RYK: variants seen among roughly 807,000 people sequenced by gnomAD.
The protein encoded by RYK is receptor like tyrosine kinase.
RYK carries 21 observed loss-of-function variants against 70.2 expected under a neutral mutation model. The ratio of observed to expected loss-of-function variants is 0.30; its 90% CI spans 0.21 to 0.43. The LOEUF is 0.43. Ranked by LOEUF, RYK falls within the 20% of genes least tolerant of loss-of-function variation. The probability of loss-of-function intolerance (pLI) is 1.00; values close to 1 mark genes in which losing one functional copy is unlikely to be tolerated. For synonymous variants in RYK, 267 were observed against 278.0 expected (o/e 0.96, Z 0.39); for missense variants, 604 against 753.3 (o/e 0.80, Z 2.32).
At chr3:134,221,196 CTTTTTTTTTT>C (rs71139519) in intron 2 of RYK, among the ~76,000 whole-genome samples, 2 of 78,562 alleles carry the variant, frequency 2.5e-5, no homozygotes, top group Non-Finnish European at 4.6e-5. Flanking sequence ...AGTTCTTTTT[CTTTTTTTTTT>C]TTTTTTTTTT....
intron 1 of RYK, among the ~76,000 whole-genome samples, chr3:134,249,575 A>G (rs2015552062): frequency 6.6e-6 from 1 of 152,196 alleles, no homozygotes; most frequent in Non-Finnish European, 1.5e-5. Flanking sequence ...CAGAATCCAC[A>G]AAGTCCTAAC....
At position 134,222,295 on chromosome 3, in the gene RYK, T is replaced by C. The variant is rs529686345; in HGVS notation, c.354+123A>G. On this transcript the variant is annotated intron_variant, in intron 2 of 14. Coordinates refer to ENST00000623711, the MANE Select transcript of RYK (RefSeq NM_002958.4). Reference sequence around the variant, plus strand: ...GAAATATAAATCTGAAAAGACTCAGTACTATTATATCACATCACCAGCGGA... The same window carrying C: ...GAAATATAAATCTGAAAAGACTCAGCACTATTATATCACATCACCAGCGGA... The C allele has an allele frequency of 2.7e-4, 263 of 978,574 alleles. 6 individuals are homozygous for C. The South Asian group carries it at 3.7e-3, about 14-fold the overall frequency. The allele number at this position is 978,574 out of a possible 1,614,324, so 60.6% of individuals were successfully genotyped here. A position where few individuals can be genotyped will look rare whatever the true frequency, so the allele number is the denominator to read the frequency against.
intron 5 of RYK, among the ~76,000 whole-genome samples, chr3:134,207,235 T>C (rs1030076320): frequency 2.6e-5 from 4 of 152,212 alleles, no homozygotes; most frequent in Non-Finnish European, 5.9e-5. Flanking sequence ...TATTCTTGCT[T>C]GTAAAACTTT....
intron 12 of RYK, 76 bp downstream of exon 12, chr3:134,175,854 C>G: frequency 6.5e-7 from 1 of 1,550,018 alleles, no homozygotes; most frequent in Middle Eastern, 1.7e-4. Flanking sequence ...ACACAAGTCC[C>G]ACTGTGACTC....
Position 134,207,541 on chromosome 3 carries a change from A to G in RYK, c.590-16T>C. ...TCTTCAAGTTCTGAATTTAAAGGAGAAAAATGATGCTTTAGAAATTCTCTT... is the reference window on the plus strand; with the variant it reads ...TCTTCAAGTTCTGAATTTAAAGGAGGAAAATGATGCTTTAGAAATTCTCTT... On this transcript the variant is annotated splice_polypyrimidine_tract_variant and intron_variant, in intron 4 of 14. Transcript: ENST00000623711. The G allele has an allele frequency of 6.7e-7, 1 of 1,500,892 alleles. No homozygotes were observed. Among genetic ancestry groups the G allele is most frequent in the Non-Finnish European group, 9.0e-7 (1 of 1,110,146 alleles). 93.0% of individuals were successfully genotyped at this position (1,500,892 alleles called of 1,614,324 possible). A position where few individuals can be genotyped will look rare whatever the true frequency, so the allele number is the denominator to read the frequency against.
At chr3:134,189,637 G>A (rs1576511970) in intron 8 of RYK, among the ~76,000 whole-genome samples, 1 of 151,472 alleles carries the variant, frequency 6.6e-6, no homozygotes, top group East Asian at 1.9e-4. Context: ...GCCGGGCGTG[G>A]GAGGCTGAGG....
chr3:134,185,716 TA>T (rs2013439654), intron 9 of RYK, among the ~76,000 whole-genome samples: 1 of 152,182 alleles, frequency 6.6e-6, no homozygotes, highest in Admixed American at 6.5e-5. Flanking sequence ...GACTGAAAAC[TA>T]GTAATAGTTG....
At chr3:134,224,110 A>G (rs1329781804) in intron 1 of RYK, among the ~76,000 whole-genome samples, 1 of 152,180 alleles carries the variant, frequency 6.6e-6, no homozygotes, top group Non-Finnish European at 1.5e-5. Context: ...AAATAAAGAC[A>G]AAAGACAAAG....
chr3:134,216,790 C>A (rs2014565113), intron 2 of RYK, among the ~76,000 whole-genome samples: 1 of 23,962 alleles, frequency 4.2e-5, no homozygotes, highest in Non-Finnish European at 7.0e-5. Context: ...GAGACTCTGT[C>A]TCAAAAAAAA....
chr3:134,217,258 G>A (rs746188854), intron 2 of RYK, among the ~76,000 whole-genome samples: 1 of 152,140 alleles, frequency 6.6e-6, no homozygotes, highest in African/African-American at 2.4e-5. Context: ...AGAACCGAGG[G>A]TTTCTGATAA....
intron 2 of RYK, among the ~76,000 whole-genome samples, chr3:134,218,417 T>G (rs914526371): frequency 6.6e-6 from 1 of 152,142 alleles, no homozygotes; most frequent in Non-Finnish European, 1.5e-5. Flanking sequence ...ACAATATTCT[T>G]AAAGTATAAC....
chr3:134,161,776 C>T (rs2012478627), intron 13 of RYK, among the ~76,000 whole-genome samples: 1 of 151,134 alleles, frequency 6.6e-6, no homozygotes, highest in African/African-American at 2.5e-5. Flanking sequence ...CAAAACCTTT[C>T]CACAAAGAAA....
intron 13 of RYK, among the ~76,000 whole-genome samples, chr3:134,168,151 A>G (rs1576501797): frequency 6.6e-6 from 1 of 152,144 alleles, no homozygotes; most frequent in African/African-American, 2.4e-5. Flanking sequence ...GGAGAAATAG[A>G]AACACTTTTA....
At chr3:134,228,350 C>A (rs914722151) in intron 1 of RYK, among the ~76,000 whole-genome samples, 2 of 152,006 alleles carry the variant, frequency 1.3e-5, no homozygotes, top group Non-Finnish European at 2.9e-5. Flanking sequence ...GGTATATATC[C>A]AAAGAAAATG....
At chr3:134,213,442 T>C (rs1254797939) in intron 2 of RYK, among the ~76,000 whole-genome samples, 1 of 152,190 alleles carries the variant, frequency 6.6e-6, no homozygotes, top group African/African-American at 2.4e-5. Flanking sequence ...CCAGAACAGC[T>C]ACCTTATTGC....
At chr3:134,227,553 A>C (rs991283667) in intron 1 of RYK, among the ~76,000 whole-genome samples, 2 of 152,022 alleles carry the variant, frequency 1.3e-5, no homozygotes, top group African/African-American at 2.4e-5. Context: ...GAAAAAAAAA[A>C]CCTTAAAATG....
chr3:134,231,547 TC>T (rs940860182), intron 1 of RYK, among the ~76,000 whole-genome samples: 7 of 152,196 alleles, frequency 4.6e-5, no homozygotes, highest in African/African-American at 1.7e-4. Context: ...TAGTTGGACT[TC>T]AACTTGTGCT....
At chr3:134,176,762 A>T (rs1394312085) in intron 11 of RYK, among the ~76,000 whole-genome samples, 1 of 151,874 alleles carries the variant, frequency 6.6e-6, no homozygotes, top group African/African-American at 2.4e-5. Flanking sequence ...AAACAAAAAA[A>T]CCCTGCAGCT....
rs146593622 is a variant in RYK, at chr3:134,205,225, C to T, written c.643+2247G>A. Among the ~76,000 whole-genome samples, 98 of 152,134 alleles carry T rather than the reference C, an allele frequency of 6.4e-4. 1 individual carries two copies. The highest frequency in any genetic ancestry group is 1.8e-3 in the African/African-American group (73 of 41,486). On this transcript the variant is annotated intron_variant, in intron 5 of 14. Coordinates refer to ENST00000623711, the MANE Select transcript of RYK (RefSeq NM_002958.4). ...GGTACCTCATATCTCCATGCACAGA[C>T]GTTAAACTGACAGATATACAAGTTT...
Sources: gnomAD v4.1 joint callset for allele counts (sites outside exome capture counted in the v4.1 genomes callset) on GRCh38, gnomAD v4.1.1 for gene constraint, MANE v1.5 for transcripts, NCBI Gene and HGNC (gene_info 2026-07-23, HGNC 2026-07-21) for gene names.